Variants in PLEKHH2 observed in about 807,000 individuals in gnomAD.
PLEKHH2 encodes pleckstrin homology domain-containing family H member 2.
In PLEKHH2, 129 loss-of-function variants were observed where a neutral mutation model predicts 187.9. The ratio of observed to expected loss-of-function variants is 0.69; its 90% confidence interval spans 0.59 to 0.79. PLEKHH2 has a LOEUF of 0.79. Ranked by LOEUF, PLEKHH2 falls within the 30% of genes least tolerant of loss-of-function variation. The probability of loss-of-function intolerance (pLI) is 0.00; values close to 1 mark genes in which losing one functional copy is unlikely to be tolerated. For missense variants in PLEKHH2, 2,076 were observed against 1,751.2 expected (o/e 1.19, Z -3.31); for synonymous variants, 686 against 605.6 (o/e 1.13, Z -1.95).
In PLEKHH2 at chr2:43,753,699, TA is replaced by T. The variant is rs773082820; in HGVS notation, c.3737del (p.Asn1246MetfsTer6). The T allele has an allele frequency of 2.5e-6, 4 of 1,587,212 alleles. No individual in the cohort carries two copies. The highest frequency in any genetic ancestry group is 2.6e-6 in the Non-Finnish European group (3 of 1,170,446). ...LLMYQTNDQI[I>X]NGLFPLNKDL... is the part of the protein sequence containing the mutation. ...ATGTATCAGACAAATGATCAAATCATAAATGGACTTTTTCCTCTGAACAAAG... is the reference window on the plus strand; with the variant it reads ...ATGTATCAGACAAATGATCAAATCATAATGGACTTTTTCCTCTGAACAAAG... On this transcript the variant is annotated frameshift_variant, in exon 25 of 30. Transcript: ENST00000282406. LOFTEE classifies it high-confidence loss of function.
At chr2:43,690,320 T>C (rs1477546642) in intron 3 of PLEKHH2, among the ~76,000 whole-genome samples, 1 of 152,186 alleles carries the variant, frequency 6.6e-6, no homozygotes, top group African/African-American at 2.4e-5. Context: ...ATTTGGATAG[T>C]AGAATACATT....
intron 2 of PLEKHH2, among the ~76,000 whole-genome samples, chr2:43,666,303 G>A (rs946754660): frequency 4.6e-5 from 7 of 151,074 alleles, no homozygotes; most frequent in African/African-American, 1.2e-4. Context: ...GCGCTTCCCA[G>A]GTAAGGCAAT....
chr2:43,674,720 C>G (rs1216092078), intron 2 of PLEKHH2, among the ~76,000 whole-genome samples: 1 of 152,054 alleles, frequency 6.6e-6, no homozygotes, highest in Non-Finnish European at 1.5e-5. Flanking sequence ...TGTGGTGGGT[C>G]ATGCCTGTAA....
intron 22 of PLEKHH2, among the ~76,000 whole-genome samples, chr2:43,743,454 A>G (rs1193490517): frequency 2.0e-5 from 3 of 150,790 alleles, no homozygotes; most frequent in Non-Finnish European, 2.9e-5. Context: ...CATTAAATAC[A>G]TAAAGGTGTT....
At position 43,692,529 on chromosome 2, in the gene PLEKHH2, G is replaced by C. The variant is rs746909179; in HGVS notation, c.202G>C (p.Asp68His). The C allele has an allele frequency of 3.2e-6, 5 of 1,575,756 alleles. No individual in the cohort carries two copies. In the African/African-American group the frequency reaches 6.8e-5, roughly 21 times the overall value. ...KAFQQVQVMEDKLKAANIQTS... is the reference protein window; with the variant it reads ...KAFQQVQVMEHKLKAANIQTS... ...TTGAATTTAGGTACAAGTTATGGAA[G>C]ATAAATTAAAAGCAGCTAATATTCA... The change falls in exon 4 of 30, where the codon GAT becomes CAT. Residue 68 changes from aspartate to histidine, a missense_variant. By Grantham distance (81) the Asp-to-His change is moderately conservative. Transcript: ENST00000282406.
At chr2:43,760,642 CGT>C (rs1289364994) in intron 27 of PLEKHH2, among the ~76,000 whole-genome samples, 1 of 152,156 alleles carries the variant, frequency 6.6e-6, no homozygotes, top group African/African-American at 2.4e-5. Context: ...GGATTACAGG[CGT>C]GAGCCACCGC....
intron 2 of PLEKHH2, among the ~76,000 whole-genome samples, chr2:43,673,745 C>CTCA (rs1461838237): frequency 6.6e-6 from 1 of 152,074 alleles, no homozygotes; most frequent in Non-Finnish European, 1.5e-5. Flanking sequence ...GGAGAGGAGA[C>CTCA]TCAGATAAGT....
In PLEKHH2 at chr2:43,645,917, C is replaced by T. The variant is rs189681440; in HGVS notation, c.123+1121C>T. ...GGAGATTGGTACATGTATCATATCT[C>T]CAAAAAAGGTATTAAATCTTCCTTT... On this transcript the variant is annotated intron_variant, in intron 2 of 29. Transcript: ENST00000282406. 2.0e-5 allele frequency among the ~76,000 whole-genome samples: 3 copies of T among 152,054 alleles called. No individual in the cohort carries two copies. In the East Asian group the frequency reaches 5.8e-4, roughly 29 times the overall value.
intron 2 of PLEKHH2, among the ~76,000 whole-genome samples, chr2:43,649,206 A>C (rs928844097): frequency 6.6e-6 from 1 of 152,320 alleles, no homozygotes; most frequent in Non-Finnish European, 1.5e-5. Context: ...TAGTATGCCA[A>C]ATATAAACTC....
Position 43,700,041 on chromosome 2 carries a change from A to C in PLEKHH2, c.1083A>C (p.Lys361Asn). ...CTTGGCAGCAGGAGGCACAGTGGAA[A>C]GCTCTAAATAGTCCTCTTGGAAAGG... is the stretch of plus-strand genomic sequence containing the variant. The part of the protein sequence containing the change: ...LYSWQQEAQW[K>N]ALNSPLGKGN... The change falls in exon 8 of 30, where the codon AAA becomes AAC. Residue 361 changes from lysine (K) to asparagine (N), a missense_variant. Physicochemically the swap from Lys to Asn is moderately conservative, Grantham distance 94 (BLOSUM62 0). Coordinates refer to ENST00000282406, the MANE Select transcript of PLEKHH2 (RefSeq NM_172069.4). The C allele has an allele frequency of 6.2e-7, 1 of 1,614,230 alleles. No homozygotes were observed. Among genetic ancestry groups the C allele is most frequent in the Non-Finnish European group, 8.5e-7 (1 of 1,180,038 alleles).
At chr2:43,675,569 T>A (rs1208056568) in intron 2 of PLEKHH2, 2 of 1,613,820 alleles carry the variant, frequency 1.2e-6, no homozygotes, top group African/African-American at 1.3e-5. Flanking sequence ...GCCTCTTCAA[T>A]AAGCTGTGCG....
intron 3 of PLEKHH2, among the ~76,000 whole-genome samples, chr2:43,683,993 C>T (rs896335771): frequency 1.3e-5 from 2 of 152,328 alleles, no homozygotes; most frequent in East Asian, 1.9e-4. Context: ...CAGCATCCAA[C>T]ACCAGAGTGG....
intron 2 of PLEKHH2, among the ~76,000 whole-genome samples, chr2:43,648,481 C>G (rs1666293276): frequency 6.6e-6 from 1 of 151,400 alleles, no homozygotes; most frequent in Non-Finnish European, 1.5e-5. Context: ...GCTGCTGTGC[C>G]CAGCTTTTTT....
At chr2:43,696,194 C>T (rs113944872) in intron 6 of PLEKHH2, among the ~76,000 whole-genome samples, 1,886 of 152,166 alleles carry the variant, frequency 0.012, 32 homozygotes, top group African/African-American at 0.041. Flanking sequence ...GCCACTGGGC[C>T]AGGCGCAGTG....
At chr2:43,678,182 T>G in intron 2 of PLEKHH2, among the ~76,000 whole-genome samples, 1 of 146,490 alleles carries the variant, frequency 6.8e-6, no homozygotes, top group Non-Finnish European at 1.5e-5. Flanking sequence ...CCTCACTTCC[T>G]AGATGGGATG....
Position 43,765,447 on chromosome 2 carries a change from T to G in PLEKHH2, c.4331T>G (p.Ile1444Arg), listed in dbSNP as rs1457104392. 3 of 1,614,168 alleles carry G rather than the reference T, an allele frequency of 1.9e-6. No individual in the cohort carries two copies. The highest frequency in any genetic ancestry group is 2.5e-6 in the Non-Finnish European group (3 of 1,180,022). ...LEITLLIASY[I>R]NNFHQQKAAF... ...ATCACTCTTTTGATCGCCAGTTACA[T>G]AAACAACTTCCATCAGCAAAAGGCA... Residue 1444 changes from isoleucine to arginine, a missense_variant, in exon 30 of 30, where the codon ATA becomes AGA. Transcript: ENST00000282406.
chr2:43,694,348 A>G, intron 4 of PLEKHH2, 83 bp from the exon 5 acceptor site: 6 of 1,410,252 alleles, frequency 4.3e-6, no homozygotes, highest in Non-Finnish European at 4.7e-6. Context: ...TTTTAAGTGG[A>G]TATGCCTTGT....
At chr2:43,707,966 A>G (rs922550374) in intron 11 of PLEKHH2, among the ~76,000 whole-genome samples, 2 of 152,236 alleles carry the variant, frequency 1.3e-5, no homozygotes, top group African/African-American at 2.4e-5. Context: ...GAATATGTCT[A>G]TGATTTTTAG....
At chr2:43,678,759 G>GAGGTGGAGGTGC (rs60000170) in intron 2 of PLEKHH2, 104 bp from the exon 3 acceptor site, 276,272 of 676,752 alleles carry the variant, frequency 0.41, 64,320 homozygotes, top group Non-Finnish European at 0.46. Flanking sequence ...GGTGGAGGTG[G>GAGGTGGAGGTGC]AGGTGGAGGT....
Sources: gnomAD v4.1 joint callset for allele counts (sites outside exome capture counted in the v4.1 genomes callset) on GRCh38, gnomAD v4.1.1 for gene constraint, MANE v1.5 for transcripts, NCBI Gene and HGNC (gene_info 2026-07-23, HGNC 2026-07-21) for gene names.